TAFA1: variants seen among roughly 807,000 people sequenced by gnomAD.
The protein encoded by TAFA1 is TAFA chemokine like family member 1.
Under a neutral mutation model 18.5 loss-of-function variants are expected in TAFA1, and 4 were observed. The observed-to-expected ratio is 0.22, with a 90% CI of 0.11 to 0.49. The LOEUF is 0.49. Among genes scored for constraint, TAFA1 ranks in the 20% least tolerant of loss-of-function variants. TAFA1 has a pLI of 0.98. For synonymous variants in TAFA1, 56 were observed against 55.2 expected, an observed-to-expected ratio of 1.01 and a Z score of -0.06; for missense variants, 147 against 169.0, an observed-to-expected ratio of 0.87 and a Z score of 0.72.
At chr3:68,491,962 A>G (rs1460447888) in intron 3 of TAFA1, among the ~76,000 whole-genome samples, 4 of 152,174 alleles carry the variant, frequency 2.6e-5, no homozygotes, top group African/African-American at 7.2e-5. Context: ...TTCTACATCA[A>G]ACTGTATCGA....
At chr3:68,188,197 A>C (rs964281002) in intron 2 of TAFA1, among the ~76,000 whole-genome samples, 2 of 151,844 alleles carry the variant, frequency 1.3e-5, no homozygotes, top group African/African-American at 4.8e-5. Flanking sequence ...TGCTATTTGC[A>C]TTTTGTTTAG....
intron 3 of TAFA1, among the ~76,000 whole-genome samples, chr3:68,532,115 A>G (rs2106776266): frequency 6.6e-6 from 1 of 152,296 alleles, no homozygotes; most frequent in East Asian, 1.9e-4. Flanking sequence ...AAAGTAGGCA[A>G]ATTTATTAAC....
intron 2 of TAFA1, among the ~76,000 whole-genome samples, chr3:68,098,908 TGACTGCCTATTCAATA>T (rs958233407): frequency 6.6e-5 from 10 of 152,016 alleles, no homozygotes; most frequent in Non-Finnish European, 1.3e-4. Context: ...CTGGAGAAAA[TGACTGCCTATTCAATA>T]GATGGTGCTG....
At chr3:68,483,668 G>A (rs2072278925) in intron 3 of TAFA1, among the ~76,000 whole-genome samples, 1 of 152,208 alleles carries the variant, frequency 6.6e-6, no homozygotes, top group South Asian at 2.1e-4. Flanking sequence ...ATTTTACCTA[G>A]GGTGGTTTGA....
intron 2 of TAFA1, among the ~76,000 whole-genome samples, chr3:68,315,261 C>G (rs749875116): frequency 1.4e-4 from 21 of 152,124 alleles, no homozygotes; most frequent in Non-Finnish European, 2.1e-4. Flanking sequence ...ATCAATTCCA[C>G]AGAAAACTTG....
At position 68,482,069 on chromosome 3, in the gene TAFA1, G is replaced by A. The variant is rs367650855; in HGVS notation, c.260-56687G>A. Among the ~76,000 whole-genome samples the A allele has an allele frequency of 4.6e-5, 7 of 152,286 alleles. No homozygotes were observed. The East Asian group carries it at 9.7e-4, about 21-fold the overall frequency. On this transcript the variant is annotated intron_variant, in intron 3 of 4. Coordinates refer to ENST00000478136, the MANE Select transcript of TAFA1 (RefSeq NM_213609.4). ...TCTGTCGCCCAGGCTGGAGTGCAGT[G>A]GCGCGATCTTGACTCACTGCAAGCT...
chr3:68,376,314 G>A (rs2069816391), intron 2 of TAFA1, among the ~76,000 whole-genome samples: 1 of 151,292 alleles, frequency 6.6e-6, no homozygotes, highest in African/African-American at 2.4e-5. Context: ...AGGGAAACTT[G>A]TGTCATGGGT....
chr3:68,528,312 A>G (rs919374371), intron 3 of TAFA1, among the ~76,000 whole-genome samples: 1 of 152,218 alleles, frequency 6.6e-6, no homozygotes, highest in African/African-American at 2.4e-5. Context: ...GCAATTTTCC[A>G]AAGTCATACT....
chr3:68,114,754 G>C (rs1384463016), intron 2 of TAFA1, among the ~76,000 whole-genome samples: 1 of 152,062 alleles, frequency 6.6e-6, no homozygotes, highest in African/African-American at 2.4e-5. Context: ...ATATATATGA[G>C]TGTTCATATC....
chr3:68,373,091 T>C (rs988370220), intron 2 of TAFA1, among the ~76,000 whole-genome samples: 2 of 152,186 alleles, frequency 1.3e-5, no homozygotes, highest in Non-Finnish European at 2.9e-5. Context: ...TTTTTTCCAC[T>C]GGTGCAATTC....
intron 2 of TAFA1, among the ~76,000 whole-genome samples, chr3:68,132,935 C>A (rs1006749760): frequency 3.3e-5 from 5 of 152,192 alleles, no homozygotes; most frequent in Middle Eastern, 3.4e-3. Context: ...GTGTTTTAGT[C>A]TTTGCTCATG....
chr3:68,229,712 G>T (rs1378225725), intron 2 of TAFA1, among the ~76,000 whole-genome samples: 3 of 152,168 alleles, frequency 2.0e-5, no homozygotes, highest in Admixed American at 2.0e-4. Context: ...CATATGAACA[G>T]CTCTCAATGT....
At chr3:68,203,888 C>T (rs2107047277) in intron 2 of TAFA1, among the ~76,000 whole-genome samples, 1 of 151,686 alleles carries the variant, frequency 6.6e-6, no homozygotes, top group Non-Finnish European at 1.5e-5. Flanking sequence ...GGAGATTTCT[C>T]CAATATTCAC....
Position 68,271,528 on chromosome 3 carries a change from C to T in TAFA1, c.119-145752C>T, listed in dbSNP as rs745614083. ...AAAGAATGTTGGGTGGGAAAAACAG[C>T]GATTTCTAAGAACCCAAAGGGAGTA... On this transcript the variant is annotated intron_variant, in intron 2 of 4. Coordinates refer to ENST00000478136, the MANE Select transcript of TAFA1 (RefSeq NM_213609.4). Among the ~76,000 whole-genome samples, 67 of 152,166 alleles carry T rather than the reference C, an allele frequency of 4.4e-4. 1 individual carries two copies. Among genetic ancestry groups the T allele is most frequent in the African/African-American group, 1.3e-3 (53 of 41,542 alleles).
chr3:68,344,714 A>G (rs1465399980), intron 2 of TAFA1, among the ~76,000 whole-genome samples: 1 of 152,034 alleles, frequency 6.6e-6, no homozygotes, highest in East Asian at 1.9e-4. Flanking sequence ...CAACAGAGAT[A>G]AGGAAGAGGA....
chr3:68,197,108 GC>G (rs2066419574), intron 2 of TAFA1, among the ~76,000 whole-genome samples: 1 of 151,678 alleles, frequency 6.6e-6, no homozygotes, highest in Non-Finnish European at 1.5e-5. Context: ...CTTTAGACAT[GC>G]TTTAAACCCC....
intron 3 of TAFA1, among the ~76,000 whole-genome samples, chr3:68,535,754 C>T (rs2073269715): frequency 6.6e-6 from 1 of 151,866 alleles, no homozygotes; most frequent in Admixed American, 6.6e-5. Context: ...GGATAGCTGC[C>T]TGGAAGACTC....
At chr3:68,229,552 A>G (rs2107112262) in intron 2 of TAFA1, among the ~76,000 whole-genome samples, 1 of 152,274 alleles carries the variant, frequency 6.6e-6, no homozygotes, top group Non-Finnish European at 1.5e-5. Context: ...ACACTTTTCT[A>G]ATGTAGAAAT....
intron 2 of TAFA1, among the ~76,000 whole-genome samples, chr3:68,385,488 C>T (rs193162411): frequency 2.7e-3 from 408 of 152,198 alleles, no homozygotes; most frequent in African/African-American, 9.2e-3. Flanking sequence ...TTTGAGACGG[C>T]ACTTAAAGTC....
Sources: gnomAD v4.1 joint callset for allele counts (sites outside exome capture counted in the v4.1 genomes callset) on GRCh38, gnomAD v4.1.1 for gene constraint, MANE v1.5 for transcripts, NCBI Gene and HGNC (gene_info 2026-07-23, HGNC 2026-07-21) for gene names.